The following FAT3 variants were observed in gnomAD, a reference collection of about 807,000 sequenced individuals.
FAT3 encodes protocadherin Fat 3.
Under a neutral mutation model 310.2 loss-of-function variants are expected in FAT3, and 95 were observed. The observed-to-expected ratio is 0.31, with a 90% CI of 0.26 to 0.36. FAT3 has a LOEUF of 0.36. Ranked by LOEUF, FAT3 falls within the 10% of genes least tolerant of loss-of-function variation. The pLI is 1.00. For missense variants in FAT3, 5,408 were observed against 5,715.6 expected, an observed-to-expected ratio of 0.95 and a Z score of 1.74; for synonymous variants, 2,314 against 2,192.9, an observed-to-expected ratio of 1.06 and a Z score of -1.54.
intron 4 of FAT3, among the ~76,000 whole-genome samples, chr11:92,748,229 G>A (rs1945730775): frequency 6.6e-6 from 1 of 152,140 alleles, no homozygotes; most frequent in Non-Finnish European, 1.5e-5. Context: ...CAGGCTAGAG[G>A]CTTGTGCAGG....
chr11:92,456,224 G>C (rs565480006), intron 2 of FAT3, among the ~76,000 whole-genome samples: 6 of 152,164 alleles, frequency 3.9e-5, no homozygotes, highest in Non-Finnish European at 8.8e-5. Flanking sequence ...AATAAGTAAA[G>C]CCTATCAAAC....
intron 4 of FAT3, among the ~76,000 whole-genome samples, chr11:92,714,631 A>G (rs1031170852): frequency 1.3e-5 from 2 of 152,224 alleles, no homozygotes; most frequent in Admixed American, 6.5e-5. Flanking sequence ...TCATCAGAAC[A>G]ATACAGTTTG....
chr11:92,853,729 C>G (rs78681737), intron 19 of FAT3, among the ~76,000 whole-genome samples: 7,828 of 152,180 alleles, frequency 0.051, 673 homozygotes, highest in African/African-American at 0.18. Flanking sequence ...GTGGGTAGCT[C>G]CTCTCTGCAG....
chr11:92,368,515 G>A (rs2134703370), intron 2 of FAT3, among the ~76,000 whole-genome samples: 1 of 152,252 alleles, frequency 6.6e-6, no homozygotes, highest in Non-Finnish European at 1.5e-5. Context: ...TAACTTGTAT[G>A]CTGCATCATC....
chr11:92,551,844 A>C (rs892771023), intron 3 of FAT3, among the ~76,000 whole-genome samples: 23 of 152,232 alleles, frequency 1.5e-4, no homozygotes, highest in Non-Finnish European at 7.3e-5. Flanking sequence ...TCAAGTTAGA[A>C]TAGAATGTGA....
rs761443204 is a variant in FAT3 at position 92,798,593 on chromosome 11, A to G, written c.5580A>G (p.Gln1860=). The G allele has an allele frequency of 1.2e-5, 19 of 1,613,698 alleles. No homozygotes were observed. The South Asian group carries it at 1.3e-4, about 11-fold the overall frequency. The change falls in exon 10 of 28, where the codon CAA becomes CAG. Residue 1860 remains glutamine (Q), a synonymous_variant. Coordinates refer to ENST00000525166, the MANE Select transcript of FAT3 (RefSeq NM_001367949.2). ...ATGTGAGAGACAGTGGTAGCCCCCA[A>G]CTGACTGCAGAGAGTCCCGTTGAAG... ...HVHVRDSGSP[Q]LTAESPVEVN...
At chr11:92,617,653 T>G (rs1940875593) in intron 3 of FAT3, among the ~76,000 whole-genome samples, 1 of 152,182 alleles carries the variant, frequency 6.6e-6, no homozygotes, top group Non-Finnish European at 1.5e-5. Context: ...GACGTACAGA[T>G]GGGGTTTTGG....
chr11:92,738,057 G>A (rs1388558445), intron 4 of FAT3, among the ~76,000 whole-genome samples: 1 of 152,132 alleles, frequency 6.6e-6, no homozygotes, highest in African/African-American at 2.4e-5. Flanking sequence ...AAAAGGTTGT[G>A]TAAAACCTGT....
At chr11:92,543,984 C>CCCTTT (rs1954535580) in intron 3 of FAT3, among the ~76,000 whole-genome samples, 1 of 152,084 alleles carries the variant, frequency 6.6e-6, no homozygotes, top group South Asian at 2.1e-4. Flanking sequence ...TAGTTTCTTA[C>CCCTTT]CCTTTATAGC....
intron 2 of FAT3, among the ~76,000 whole-genome samples, chr11:92,464,367 A>G (rs945475035): frequency 9.2e-5 from 14 of 152,126 alleles, no homozygotes; most frequent in Non-Finnish European, 1.5e-4. Flanking sequence ...ACCATCTTCA[A>G]ATATCTGAAG....
intron 7 of FAT3, among the ~76,000 whole-genome samples, chr11:92,780,333 T>C (rs1946714648): frequency 6.6e-6 from 1 of 151,954 alleles, no homozygotes; most frequent in South Asian, 2.1e-4. Context: ...CAGATAATTT[T>C]TGTATTTTTT....
At chr11:92,852,384 A>T (rs1442323380) in intron 19 of FAT3, among the ~76,000 whole-genome samples, 1 of 152,170 alleles carries the variant, frequency 6.6e-6, no homozygotes, top group Admixed American at 6.5e-5. Context: ...TGGCCTGCAG[A>T]TTCTAATCTG....
chr11:92,387,392 C>A (rs1949650242), intron 2 of FAT3, among the ~76,000 whole-genome samples: 1 of 151,736 alleles, frequency 6.6e-6, no homozygotes, highest in African/African-American at 2.4e-5. Context: ...GGAAAACTAG[C>A]CAAAATCTGT....
intron 2 of FAT3, among the ~76,000 whole-genome samples, chr11:92,416,377 C>A (rs1343849082): frequency 1.4e-5 from 2 of 142,726 alleles, no homozygotes; most frequent in South Asian, 2.1e-4. Flanking sequence ...GGGTGAGACT[C>A]CATCTCAAAA....
intron 2 of FAT3, among the ~76,000 whole-genome samples, chr11:92,395,523 T>A (rs1949848978): frequency 6.6e-6 from 1 of 152,140 alleles, no homozygotes; most frequent in African/African-American, 2.4e-5. Flanking sequence ...GGATGCCCTT[T>A]TTTGCATGCC....
At chr11:92,788,199 A>G (rs945832976) in intron 7 of FAT3, among the ~76,000 whole-genome samples, 1 of 152,206 alleles carries the variant, frequency 6.6e-6, no homozygotes, top group Non-Finnish European at 1.5e-5. Flanking sequence ...AAAGAATACT[A>G]GAGTTATGTC....
intron 1 of FAT3, among the ~76,000 whole-genome samples, chr11:92,298,169 T>A: frequency 6.6e-6 from 1 of 152,144 alleles, no homozygotes; most frequent in East Asian, 1.9e-4. Context: ...AGAGGAGATC[T>A]GAGCAGGGGA....
chr11:92,649,915 A>G (rs1356165899), intron 3 of FAT3, among the ~76,000 whole-genome samples: 4 of 106,018 alleles, frequency 3.8e-5, no homozygotes, highest in Non-Finnish European at 6.1e-5. Context: ...ATATATATAT[A>G]TGCACCTTCT....
intron 3 of FAT3, among the ~76,000 whole-genome samples, chr11:92,571,807 T>C (rs16917785): frequency 0.016 from 2,499 of 152,326 alleles, 37 homozygotes; most frequent in African/African-American, 0.035. Flanking sequence ...CTTCCCAATT[T>C]TGACTTCCTT....
Sources: gnomAD v4.1 joint callset for allele counts (sites outside exome capture counted in the v4.1 genomes callset) on GRCh38, gnomAD v4.1.1 for gene constraint, MANE v1.5 for transcripts, NCBI Gene and HGNC (gene_info 2026-07-23, HGNC 2026-07-21) for gene names.